Variants in ZNF155 observed in about 807,000 individuals in gnomAD.
The protein encoded by ZNF155 is KRAB A domain.
In ZNF155, 15 loss-of-function variants were observed where a neutral mutation model predicts 11.9. The observed-to-expected ratio is 1.26, with a 90% CI of 0.84 to 1.94. The LOEUF is 1.94. Ranked by LOEUF, ZNF155 falls within the 30% of genes most tolerant of loss-of-function variation. ZNF155 has a pLI of 0.00. For missense variants in ZNF155, 602 were observed against 639.1 expected (o/e 0.94, Z 0.63); for synonymous variants, 212 against 219.9 (o/e 0.96, Z 0.32).
intron 2 of ZNF155, 67 bp downstream of exon 2, chr19:43,988,625 C>G: frequency 6.5e-7 from 1 of 1,548,418 alleles, no homozygotes. Context: ...ATGTGTTTTT[C>G]TCTGTCATGA....
Position 43,996,349 on chromosome 19 carries a change from T to A in ZNF155, c.492T>A (p.Asp164Glu). 1 of 1,614,224 alleles carries A rather than the reference T, an allele frequency of 6.2e-7. No homozygotes were observed. The highest frequency in any genetic ancestry group is 8.5e-7 in the Non-Finnish European group (1 of 1,180,032). Residue 164 changes from aspartate to glutamate, a missense_variant, in exon 5 of 5, where the codon GAT becomes GAA. Physicochemically the swap from Asp to Glu is conservative, Grantham distance 45. Coordinates refer to ENST00000270014, the MANE Select transcript of ZNF155 (RefSeq NM_198089.3). The part of the protein sequence containing the change: ...KQSISDVPIF[D>E]LPQQLYSEEK... ...CCATCAGTGATGTTCCCATCTTTGATCTTCCTCAGCAGTTATACTCAGAAG... is the reference window on the plus strand; with the variant it reads ...CCATCAGTGATGTTCCCATCTTTGAACTTCCTCAGCAGTTATACTCAGAAG...
At position 43,996,966 on chromosome 19, in the gene ZNF155, A is replaced by G; in HGVS notation, c.1109A>G (p.Lys370Arg). 6.2e-7 allele frequency: 1 copy of G among 1,614,116 alleles called. No homozygotes were observed. Among genetic ancestry groups the G allele is most frequent in the Non-Finnish European group, 8.5e-7 (1 of 1,179,992 alleles). Residue 370 changes from lysine to arginine, a missense_variant, in exon 5 of 5, where the codon AAA (lysine) becomes AGA (arginine). By Grantham distance (26) the Lys-to-Arg change is conservative. Transcript: ENST00000270014. ...YKHQVVHTGE[K>R]PYNCKECGKS... ...CATCAGGTGGTCCACACAGGAGAAA[A>G]ACCATATAATTGTAAAGAATGTGGG...
intron 1 of ZNF155, among the ~76,000 whole-genome samples, chr19:43,985,165 G>A (rs552597779): frequency 1.3e-5 from 2 of 152,090 alleles, no homozygotes; most frequent in South Asian, 4.2e-4. Flanking sequence ...GGGTTCAAGC[G>A]ATTCTCTGTC....
At chr19:43,995,271 G>A (rs138417023) in intron 4 of ZNF155, among the ~76,000 whole-genome samples, 101 of 151,906 alleles carry the variant, frequency 6.6e-4, no homozygotes, top group African/African-American at 2.0e-3. Context: ...GCCACCACAC[G>A]TGGCTAATTT....
chr19:43,996,611 A>G lies in ZNF155; in HGVS notation c.754A>G (p.Lys252Glu). Residue 252 changes from lysine (K) to glutamate (E), a missense_variant, in exon 5 of 5, where the codon AAA (lysine) becomes GAA (glutamate). Coordinates refer to ENST00000270014, the MANE Select transcript of ZNF155 (RefSeq NM_198089.3). The stretch of plus-strand genomic sequence containing the variant: ...TAGATCAGCACTTAATGTTCATCGT[A>G]AATTACACACAGGAGAGAAACCTTA... Reference protein sequence around the residue: ...SRRSALNVHRKLHTGEKPYIC... With the variant: ...SRRSALNVHRELHTGEKPYIC... 1 of 1,612,966 alleles carries G rather than the reference A, an allele frequency of 6.2e-7. No individual in the cohort carries two copies. Among genetic ancestry groups the G allele is most frequent in the South Asian group, 1.1e-5 (1 of 91,030 alleles).
chr19:43,997,664 G>A lies in ZNF155; in HGVS notation c.*190G>A. On this transcript the variant is annotated 3_prime_UTR_variant, in exon 5 of 5. Transcript: ENST00000270014. ...GGTCCCTGGAGACCCCCAGCCAAAC[G>A]GGTCAGTGTCTCATCCCCACATAAC... 1.8e-6 allele frequency: 1 copy of A among 562,470 alleles called. No homozygotes were observed. Among genetic ancestry groups the A allele is most frequent in the Non-Finnish European group, 3.1e-6 (1 of 326,676 alleles). 34.8% of individuals were successfully genotyped at this position (562,470 alleles called of 1,614,324 possible).
chr19:43,986,447 G>GTTTTT (rs1470848913), intron 1 of ZNF155, among the ~76,000 whole-genome samples: 8 of 142,180 alleles, frequency 5.6e-5, no homozygotes, highest in South Asian at 2.2e-4. Flanking sequence ...ATTCCCATTT[G>GTTTTT]TGTTTTTTTT....
In ZNF155 at chr19:43,997,023, A is replaced by G; in HGVS notation, c.1166A>G (p.Asn389Ser). The change falls in exon 5 of 5, where the codon AAC (asparagine) becomes AGC (serine). Residue 389 changes from asparagine to serine, a missense_variant. Asn to Ser is a conservative substitution (Grantham distance 46, BLOSUM62 1). Coordinates refer to ENST00000270014, the MANE Select transcript of ZNF155 (RefSeq NM_198089.3). ...TTCAGATGGTCCTCATGCCTTTTGA[A>G]CCATCAGCGAGTCCACAGTGGAGAA... is the stretch of plus-strand genomic sequence containing the variant. The part of the protein sequence containing the change: ...KSFRWSSCLL[N>S]HQRVHSGEKS... 1 of 1,614,150 alleles carries G rather than the reference A, an allele frequency of 6.2e-7. No individual in the cohort carries two copies. The highest frequency in any genetic ancestry group is 8.5e-7 in the Non-Finnish European group (1 of 1,180,020).
intron 4 of ZNF155, among the ~76,000 whole-genome samples, chr19:43,994,413 A>T (rs1380476156): frequency 6.6e-6 from 1 of 152,244 alleles, no homozygotes; most frequent in Non-Finnish European, 1.5e-5. Flanking sequence ...TTTGATGTTT[A>T]ATGTTGTGCA....
Position 43,991,827 on chromosome 19 carries a change from C to A in ZNF155, c.143-15C>A. 1 of 1,611,898 alleles carries A rather than the reference C, an allele frequency of 6.2e-7. No homozygotes were observed. The highest frequency in any genetic ancestry group is 1.3e-5 in the African/African-American group (1 of 74,950). The stretch of plus-strand genomic sequence containing the variant: ...AATGTGTTGGGATTCAGCACGTGAC[C>A]TTACCTATTCACAGGGCATCAACCG... On this transcript the variant is annotated splice_polypyrimidine_tract_variant and intron_variant, in intron 3 of 4. Coordinates refer to ENST00000270014, the MANE Select transcript of ZNF155 (RefSeq NM_198089.3).
At chr19:43,995,982 G>T in intron 4 of ZNF155, 111 bp from the exon 5 acceptor site, 1 of 1,372,012 alleles carries the variant, frequency 7.3e-7, no homozygotes, top group South Asian at 1.7e-5. Flanking sequence ...AAAACAAACT[G>T]AACATTCTCT....
At position 43,996,952 on chromosome 19, in the gene ZNF155, C is replaced by T. The variant is rs1188699348; in HGVS notation, c.1095C>T (p.Val365=). ...TAGATTTTTATAAGCATCAGGTGGT[C>T]CACACAGGAGAAAAACCATATAATT... ...GRLDFYKHQV[V]HTGEKPYNCK... Residue 365 remains valine, a synonymous_variant, in exon 5 of 5, where the codon GTC becomes GTT. Transcript: ENST00000270014. 6.2e-7 allele frequency: 1 copy of T among 1,609,042 alleles called. No individual in the cohort carries two copies. The highest frequency in any genetic ancestry group is 8.5e-7 in the Non-Finnish European group (1 of 1,177,150).
intron 1 of ZNF155, among the ~76,000 whole-genome samples, chr19:43,987,493 T>C (rs1359704844): frequency 6.6e-6 from 1 of 152,240 alleles, no homozygotes. Flanking sequence ...CTGGGCCTTA[T>C]GCATTGTTGG....
chr19:43,996,671 G>A lies in ZNF155; in HGVS notation c.814G>A (p.Asp272Asn). ...GGCATGTGGGAAGGCCTTCATTCAT[G>A]ATTCCCAGCTTAAGGAACATAAGAG... ...CEACGKAFIH[D>N]SQLKEHKRIH... Residue 272 changes from aspartate (D) to asparagine (N), a missense_variant, in exon 5 of 5, where the codon GAT becomes AAT. Coordinates refer to ENST00000270014, the MANE Select transcript of ZNF155 (RefSeq NM_198089.3). The A allele has an allele frequency of 6.2e-7, 1 of 1,613,716 alleles. No homozygotes were observed. Among genetic ancestry groups the A allele is most frequent in the Non-Finnish European group, 8.5e-7 (1 of 1,179,886 alleles).
At chr19:43,995,406 CTTT>C (rs60385928) in intron 4 of ZNF155, among the ~76,000 whole-genome samples, 38 of 94,172 alleles carry the variant, frequency 4.0e-4, no homozygotes, top group Middle Eastern at 4.9e-3. Flanking sequence ...GCATCCAGCA[CTTT>C]TTTTTTTTTT....
chr19:43,994,735 T>G (rs980964770), intron 4 of ZNF155, among the ~76,000 whole-genome samples: 1 of 152,188 alleles, frequency 6.6e-6, no homozygotes, highest in Non-Finnish European at 1.5e-5. Context: ...AGACTCAAAG[T>G]ACTGTCAGTC....
At chr19:43,985,504 T>C (rs1320144816) in intron 1 of ZNF155, among the ~76,000 whole-genome samples, 1 of 151,684 alleles carries the variant, frequency 6.6e-6, no homozygotes, top group Non-Finnish European at 1.5e-5. Flanking sequence ...CGCCACACCA[T>C]GGCTCTGTGG....
chr19:43,995,034 T>C (rs1024967162), intron 4 of ZNF155, among the ~76,000 whole-genome samples: 1 of 152,126 alleles, frequency 6.6e-6, no homozygotes, highest in African/African-American at 2.4e-5. Flanking sequence ...TCCTGAGGTA[T>C]GACACTTCAG....
Position 43,997,641 on chromosome 19 carries a change from T to A in ZNF155, c.*167T>A, listed in dbSNP as rs1003600520. On this transcript the variant is annotated 3_prime_UTR_variant, in exon 5 of 5. Coordinates refer to ENST00000270014, the MANE Select transcript of ZNF155 (RefSeq NM_198089.3). ...GAGTTGGTAGACAGCAAGGGAAGGGTCCCTGGAGACCCCCAGCCAAACGGG... is the reference window on the plus strand; with the variant it reads ...GAGTTGGTAGACAGCAAGGGAAGGGACCCTGGAGACCCCCAGCCAAACGGG... 14 of 688,538 alleles carry A rather than the reference T, an allele frequency of 2.0e-5. No homozygotes were observed. The highest frequency in any genetic ancestry group is 1.3e-4 in the South Asian group (6 of 46,844). The allele number at this position is 688,538 out of a possible 1,614,324, so 42.7% of individuals were successfully genotyped here.
Sources: gnomAD v4.1 joint callset for allele counts (sites outside exome capture counted in the v4.1 genomes callset) on GRCh38, gnomAD v4.1.1 for gene constraint, MANE v1.5 for transcripts, NCBI Gene and HGNC (gene_info 2026-07-23, HGNC 2026-07-21) for gene names.